AGPAT3: variants seen among roughly 807,000 people sequenced by gnomAD.
The protein encoded by AGPAT3 is 1-acyl-sn-glycerol-3-phosphate acyltransferase gamma.
Under a neutral mutation model 47.3 loss-of-function variants are expected in AGPAT3, and 5 were observed. The ratio of observed to expected loss-of-function variants is 0.11; its 90% CI spans 0.06 to 0.22. The LOEUF (loss-of-function observed/expected upper bound fraction) is 0.22, where lower values mean the gene tolerates loss of function less well. AGPAT3 is among the 10% of genes least tolerant of loss of function. The probability of loss-of-function intolerance (pLI) is 1.00; values close to 1 mark genes in which losing one functional copy is unlikely to be tolerated. For missense variants in AGPAT3, 315 were observed against 493.0 expected (o/e 0.64, Z 3.42); for synonymous variants, 212 against 208.3 (o/e 1.02, Z -0.15).
intron 2 of AGPAT3, among the ~76,000 whole-genome samples, chr21:43,912,726 G>A (rs1383104204): frequency 6.6e-6 from 1 of 152,218 alleles, no homozygotes; most frequent in Non-Finnish European, 1.5e-5. Context: ...GTCTTCTATA[G>A]TAAACCATTC....
intron 7 of AGPAT3, among the ~76,000 whole-genome samples, chr21:43,974,661 ATGTG>A (rs1227096268): frequency 6.6e-6 from 1 of 150,614 alleles, no homozygotes; most frequent in African/African-American, 2.4e-5. Context: ...TAAATTATAA[ATGTG>A]TGTGTGGTGT....
chr21:43,972,222 G>A (rs1224077226), intron 7 of AGPAT3, among the ~76,000 whole-genome samples: 1 of 152,024 alleles, frequency 6.6e-6, no homozygotes, highest in Non-Finnish European at 1.5e-5. Flanking sequence ...TTGGCTCACT[G>A]CAACCTCCGC....
At chr21:43,936,713 C>T (rs768803787) in intron 2 of AGPAT3, among the ~76,000 whole-genome samples, 6 of 152,220 alleles carry the variant, frequency 3.9e-5, no homozygotes, top group Non-Finnish European at 7.3e-5. Context: ...TTTTCCCGAC[C>T]GCAGCTCTTG....
chr21:43,921,141 A>T (rs992819773), intron 2 of AGPAT3, among the ~76,000 whole-genome samples: 7 of 152,008 alleles, frequency 4.6e-5, no homozygotes, highest in African/African-American at 1.7e-4. Context: ...AAAACAGTAA[A>T]TGTGTCTCCC....
chr21:43,888,411 A>G (rs2086028359), intron 1 of AGPAT3, among the ~76,000 whole-genome samples: 2 of 135,546 alleles, frequency 1.5e-5, no homozygotes, highest in Admixed American at 7.4e-5. Context: ...ATATATATAT[A>G]TGAAAGCTAA....
intron 1 of AGPAT3, chr21:43,867,142 C>T (rs752614795): frequency 1.3e-5 from 2 of 152,312 alleles, no homozygotes; most frequent in African/African-American, 2.4e-5. Flanking sequence ...GCCGTAGACA[C>T]GTGACTGATA....
intron 3 of AGPAT3, among the ~76,000 whole-genome samples, chr21:43,962,892 T>TGACCCACTGTGCCCTGA (rs2088943582): frequency 6.6e-6 from 1 of 151,802 alleles, no homozygotes; most frequent in South Asian, 2.1e-4. Context: ...GGACTGAAGA[T>TGACCCACTGTGCCCTGA]GACCCACTGT....
chr21:43,888,954 A>G (rs1431534263), intron 1 of AGPAT3, among the ~76,000 whole-genome samples: 1 of 151,862 alleles, frequency 6.6e-6, no homozygotes, highest in Admixed American at 6.6e-5. Context: ...GTGTCATTGC[A>G]CTCCAGCCTG....
Position 43,986,316 on chromosome 21 carries a change from G to A in AGPAT3, c.*3924G>A, listed in dbSNP as rs1375411561. 6.6e-6 allele frequency: 1 copy of A among 152,336 alleles called. No individual in the cohort carries two copies. The highest frequency in any genetic ancestry group is 1.5e-5 in the Non-Finnish European group (1 of 68,038). 9.4% of individuals were successfully genotyped at this position (152,336 alleles called of 1,614,324 possible). A position where few individuals can be genotyped will look rare whatever the true frequency, so the allele number is the denominator to read the frequency against. On this transcript the variant is annotated 3_prime_UTR_variant, in exon 10 of 10. Transcript: ENST00000291572. Reference sequence around the variant, plus strand: ...TTAGGGAGCCCAGGAAGTTACCAGGGACATTGGTGTCGCCGGCCCAGGCAA... The same window carrying A: ...TTAGGGAGCCCAGGAAGTTACCAGGAACATTGGTGTCGCCGGCCCAGGCAA...
chr21:43,916,929 G>A (rs577225299), intron 2 of AGPAT3, among the ~76,000 whole-genome samples: 13 of 152,228 alleles, frequency 8.5e-5, no homozygotes, highest in African/African-American at 3.1e-4. Context: ...GTTTGTGGCC[G>A]CCTCGTGCTC....
At chr21:43,925,884 C>T (rs2087037980) in intron 2 of AGPAT3, among the ~76,000 whole-genome samples, 1 of 152,232 alleles carries the variant, frequency 6.6e-6, no homozygotes, top group Admixed American at 6.5e-5. Context: ...TGCAAATGTC[C>T]TGGGAGTAAC....
chr21:43,882,212 A>G (rs1006801069), intron 1 of AGPAT3, among the ~76,000 whole-genome samples: 45 of 152,376 alleles, frequency 3.0e-4, no homozygotes, highest in African/African-American at 1.1e-3. Context: ...TCTCCTTTGC[A>G]TAATGGAGGT....
chr21:43,980,898 T>A (rs750014097), intron 8 of AGPAT3, 91 bp from the exon 9 acceptor site: 16 of 1,262,152 alleles, frequency 1.3e-5, no homozygotes, highest in Non-Finnish European at 1.8e-5. Context: ...TTAGGTTGAG[T>A]CGTTTTTCAT....
chr21:43,881,280 A>G (rs2085848975), intron 1 of AGPAT3, among the ~76,000 whole-genome samples: 1 of 152,238 alleles, frequency 6.6e-6, no homozygotes, highest in South Asian at 2.1e-4. Context: ...TACATAAAGT[A>G]TTGAACCCCT....
At chr21:43,898,136 G>C (rs563510811) in intron 1 of AGPAT3, among the ~76,000 whole-genome samples, 6 of 152,220 alleles carry the variant, frequency 3.9e-5, no homozygotes, top group African/African-American at 1.2e-4. Flanking sequence ...AGAGGGGAGA[G>C]GGGAGAGGGA....
At chr21:43,962,725 C>T (rs897324584) in intron 3 of AGPAT3, among the ~76,000 whole-genome samples, 18 of 152,126 alleles carry the variant, frequency 1.2e-4, no homozygotes, top group African/African-American at 4.1e-4. Context: ...AGCGAGGGCG[C>T]GAGACAAGCT....
intron 2 of AGPAT3, among the ~76,000 whole-genome samples, chr21:43,918,679 C>T (rs754897897): frequency 4.0e-5 from 6 of 151,722 alleles, no homozygotes; most frequent in South Asian, 4.2e-4. Flanking sequence ...CTCCGTCTCC[C>T]GGGTTCCAGT....
intron 2 of AGPAT3, among the ~76,000 whole-genome samples, chr21:43,928,186 C>T (rs1343803796): frequency 5.3e-5 from 8 of 152,200 alleles, no homozygotes; most frequent in Admixed American, 2.6e-4. Context: ...TAAGAAGCGA[C>T]GGTTTCAGGC....
At chr21:43,979,810 G>T (rs1439917040) in intron 8 of AGPAT3, among the ~76,000 whole-genome samples, 1 of 152,220 alleles carries the variant, frequency 6.6e-6, no homozygotes, top group East Asian at 1.9e-4. Flanking sequence ...GGTGCTCAGG[G>T]GTGGCCAGGA....
Sources: gnomAD v4.1 joint callset for allele counts (sites outside exome capture counted in the v4.1 genomes callset) on GRCh38, gnomAD v4.1.1 for gene constraint, MANE v1.5 for transcripts, NCBI Gene and HGNC (gene_info 2026-07-23, HGNC 2026-07-21) for gene names.